The following FNIP1 variants were observed in gnomAD, a reference collection of about 807,000 sequenced individuals.
FNIP1 encodes folliculin-interacting protein 1.
Under a neutral mutation model 124.5 loss-of-function variants are expected in FNIP1, and 40 were observed. That is an observed-to-expected ratio of 0.32 (90% CI 0.25 to 0.42). The LOEUF is 0.42. Ranked by LOEUF, FNIP1 falls within the 10% of genes least tolerant of loss-of-function variation. The probability of loss-of-function intolerance (pLI) is 1.00; values close to 1 mark genes in which losing one functional copy is unlikely to be tolerated. For synonymous variants in FNIP1, 472 were observed against 470.6 expected (o/e 1.00, Z -0.04); for missense variants, 1,176 against 1,403.7 (o/e 0.84, Z 2.59).
intron 6 of FNIP1, among the ~76,000 whole-genome samples, chr5:131,712,699 T>C (rs1365460581): frequency 6.6e-6 from 1 of 152,260 alleles, no homozygotes; most frequent in Non-Finnish European, 1.5e-5. Flanking sequence ...TTTTTGGTTG[T>C]AATTTCTAAT....
chr5:131,698,986 C>T lies in FNIP1; in HGVS notation c.1133G>A (p.Arg378Gln), dbSNP rs142261235. ...TCTCTGACTGGCATCAGCTGATCTC[C>T]GGCTCATTTTCATAGCCTTGAAAAC... ...SAIEQAMKMS[R>Q]RSADASQRSL... The change falls in exon 11 of 18, where the codon CGG becomes CAG. Residue 378 changes from arginine (R) to glutamine (Q), a missense_variant. By Grantham distance (43) the Arg-to-Gln change is conservative. Coordinates refer to ENST00000510461, the MANE Select transcript of FNIP1 (RefSeq NM_133372.3). 53 of 1,609,222 alleles carry T rather than the reference C, an allele frequency of 3.3e-5. No homozygotes were observed. The highest frequency in any genetic ancestry group is 2.5e-4 in the East Asian group (11 of 44,572).
intron 11 of FNIP1, among the ~76,000 whole-genome samples, chr5:131,693,095 C>T (rs1768536867): frequency 6.7e-6 from 1 of 149,786 alleles, no homozygotes; most frequent in African/African-American, 2.5e-5. Flanking sequence ...ATATTATATA[C>T]TGGAATATTG....
At chr5:131,770,096 T>C (rs1260789451) in intron 1 of FNIP1, among the ~76,000 whole-genome samples, 1 of 152,178 alleles carries the variant, frequency 6.6e-6, no homozygotes, top group East Asian at 1.9e-4. Context: ...TCAACTTCTG[T>C]ATGTCCCAAC....
intron 1 of FNIP1, among the ~76,000 whole-genome samples, chr5:131,757,266 C>T (rs1223800110): frequency 6.6e-6 from 1 of 151,994 alleles, no homozygotes; most frequent in Non-Finnish European, 1.5e-5. Context: ...CAAGGTACAG[C>T]CAAGAAGAAC....
chr5:131,784,863 CA>C (rs943407082), intron 1 of FNIP1, among the ~76,000 whole-genome samples: 144 of 134,604 alleles, frequency 1.1e-3, no homozygotes, highest in South Asian at 5.4e-3. Flanking sequence ...AGTAAATATT[CA>C]AAAAAAAAAA....
rs1024526852 is a variant in FNIP1, at chr5:131,730,950, G to T, written c.308C>A (p.Ser103Tyr). Residue 103 changes from serine to tyrosine, a missense_variant, in exon 3 of 18, where the codon TCT becomes TAT. This residue lies in a region of FNIP1 where 1,109 missense variants were observed against 1,288.5 expected (regional missense o/e 0.86). Coordinates refer to ENST00000510461, the MANE Select transcript of FNIP1 (RefSeq NM_133372.3). The part of the protein sequence containing the change: ...GGDSSSSLDS[S>Y]VTSSSDIKDQ... ...TTTTATATCAGAAGATGAAGTCACA[G>T]AACTATCTAAAGAGGAAGAACTGTC... is the stretch of plus-strand genomic sequence containing the variant. 1 of 1,612,384 alleles carries T rather than the reference G, an allele frequency of 6.2e-7. No individual in the cohort carries two copies. Among genetic ancestry groups the T allele is most frequent in the East Asian group, 2.2e-5 (1 of 44,794 alleles).
At chr5:131,690,487 G>T (rs1768443439) in intron 11 of FNIP1, among the ~76,000 whole-genome samples, 1 of 152,100 alleles carries the variant, frequency 6.6e-6, no homozygotes, top group Admixed American at 6.5e-5. Context: ...GTTCTCATCA[G>T]ATCTGATGGT....
chr5:131,647,698 A>G (rs1766931391), intron 16 of FNIP1, among the ~76,000 whole-genome samples: 1 of 150,964 alleles, frequency 6.6e-6, no homozygotes, highest in South Asian at 2.1e-4. Flanking sequence ...CTGGTCTCAA[A>G]CTCCTGACCT....
In FNIP1 at chr5:131,744,686, G is replaced by A. The variant is rs1433544626; in HGVS notation, c.97C>T (p.Pro33Ser). 3 of 1,605,274 alleles carry A rather than the reference G, an allele frequency of 1.9e-6. No homozygotes were observed. The highest frequency in any genetic ancestry group is 1.3e-5 in the African/African-American group (1 of 74,720). The change falls in exon 2 of 18, where the codon CCT becomes TCT. Residue 33 changes from proline (P) to serine (S), a missense_variant. By Grantham distance (74) the Pro-to-Ser change is moderately conservative. Coordinates refer to ENST00000510461, the MANE Select transcript of FNIP1 (RefSeq NM_133372.3). ...ARDPDCGFSW[P>S]LPEFDPSQIR... Reference sequence around the variant, plus strand: ...TGGCTTGGATCAAACTCTGGTAAAGGCCAACTTGAAAGAAAAGTAAGGAAA... The same window carrying A: ...TGGCTTGGATCAAACTCTGGTAAAGACCAACTTGAAAGAAAAGTAAGGAAA...
intron 1 of FNIP1, among the ~76,000 whole-genome samples, chr5:131,774,806 G>A (rs1263645455): frequency 6.6e-6 from 1 of 152,180 alleles, no homozygotes; most frequent in African/African-American, 2.4e-5. Flanking sequence ...CATGGAATTT[G>A]AAATTTCTCC....
chr5:131,671,700 T>C lies in FNIP1; in HGVS notation c.2744A>G (p.His915Arg). The change falls in exon 14 of 18, where the codon CAT becomes CGT. Residue 915 changes from histidine to arginine, a missense_variant. This residue lies in a region of FNIP1 where 1,109 missense variants were observed against 1,288.5 expected (regional missense o/e 0.86). Coordinates refer to ENST00000510461, the MANE Select transcript of FNIP1 (RefSeq NM_133372.3). ...TTTATCTGAACTCTCTTTATCCCCA[T>C]GGGGGACAAGAATGGAGAGTGTATC... ...QRDTLSILVPHGDKESSDKKI... is the reference protein window; with the variant it reads ...QRDTLSILVPRGDKESSDKKI... 1.9e-6 allele frequency: 3 copies of C among 1,614,142 alleles called. No homozygotes were observed. The highest frequency in any genetic ancestry group is 1.1e-5 in the South Asian group (1 of 91,086).
rs115353019 is a variant in FNIP1, at chr5:131,676,212, C to T, written c.1519+1491G>A. ...TACTTCTAGTAGAGATGCGATTTCA[C>T]CGTGTTAAGCCAGGATGGTCTCGAT... On this transcript the variant is annotated intron_variant, in intron 13 of 17. Transcript: ENST00000510461. Among the ~76,000 whole-genome samples, 506 of 152,108 alleles carry T rather than the reference C, an allele frequency of 3.3e-3. 4 individuals carry two copies. Among genetic ancestry groups the T allele is most frequent in the African/African-American group, 0.012 (481 of 41,442 alleles).
chr5:131,698,473 ACTGTGCCATAT>A (rs1197846508), intron 11 of FNIP1, among the ~76,000 whole-genome samples: 1 of 152,222 alleles, frequency 6.6e-6, no homozygotes, highest in Non-Finnish European at 1.5e-5. Context: ...AGGACTATTC[ACTGTGCCATAT>A]CTAGAGGAAG....
intron 8 of FNIP1, among the ~76,000 whole-genome samples, chr5:131,706,841 T>C (rs896773701): frequency 2.0e-5 from 3 of 152,186 alleles, no homozygotes; most frequent in African/African-American, 4.8e-5. Flanking sequence ...GGCCACTGGA[T>C]TGACTGTCCC....
At chr5:131,779,726 A>G (rs551753225) in intron 1 of FNIP1, among the ~76,000 whole-genome samples, 2 of 150,824 alleles carry the variant, frequency 1.3e-5, no homozygotes, top group Non-Finnish European at 3.0e-5. Context: ...AAATGATAGG[A>G]TGTCTACAAT....
chr5:131,648,969 T>C (rs1169474485), intron 16 of FNIP1, among the ~76,000 whole-genome samples: 2 of 152,212 alleles, frequency 1.3e-5, no homozygotes, highest in Admixed American at 6.5e-5. Context: ...TTCATCCATG[T>C]TGTAGCATGT....
chr5:131,731,921 T>G (rs1770107151), intron 2 of FNIP1, among the ~76,000 whole-genome samples: 1 of 152,234 alleles, frequency 6.6e-6, no homozygotes, highest in Admixed American at 6.5e-5. Flanking sequence ...ACTTTCAGAT[T>G]TAACTATACA....
intron 11 of FNIP1, among the ~76,000 whole-genome samples, chr5:131,693,348 A>ATATATATG (rs1561658485): frequency 9.0e-5 from 12 of 133,642 alleles, no homozygotes; most frequent in Middle Eastern, 3.7e-3. Context: ...ATATATATAT[A>ATATATATG]TATATATATA....
chr5:131,701,679 C>T (rs1435869381), intron 10 of FNIP1, among the ~76,000 whole-genome samples: 1 of 152,112 alleles, frequency 6.6e-6, no homozygotes, highest in Non-Finnish European at 1.5e-5. Context: ...TATTGAGATA[C>T]ATCCTTTCCT....
Sources: gnomAD v4.1 joint callset for allele counts (sites outside exome capture counted in the v4.1 genomes callset) on GRCh38, gnomAD v4.1.1 for gene constraint, gnomAD v4.1.1 regional missense constraint, MANE v1.5 for transcripts, NCBI Gene and HGNC (gene_info 2026-07-23, HGNC 2026-07-21) for gene names.